Variants in HELZ observed in about 807,000 individuals in gnomAD.
HELZ encodes the protein helicase with zinc finger.
Under a neutral mutation model 218.2 loss-of-function variants are expected in HELZ, and 23 were observed. That is an observed-to-expected ratio of 0.11 (90% CI 0.08 to 0.15). The LOEUF (loss-of-function observed/expected upper bound fraction) is 0.15, where lower values mean the gene tolerates loss of function less well. Ranked by LOEUF, HELZ falls within the 10% of genes least tolerant of loss-of-function variation. The probability of loss-of-function intolerance (pLI) is 1.00; values close to 1 mark genes in which losing one functional copy is unlikely to be tolerated. For missense variants in HELZ, 1,813 were observed against 2,353.7 expected, an observed-to-expected ratio of 0.77 and a Z score of 4.75; for synonymous variants, 814 against 829.4, an observed-to-expected ratio of 0.98 and a Z score of 0.32.
chr17:67,152,347 C>G (rs1203090372), intron 17 of HELZ, among the ~76,000 whole-genome samples: 1 of 152,072 alleles, frequency 6.6e-6, no homozygotes, highest in Non-Finnish European at 1.5e-5. Context: ...AGGGTAGAAG[C>G]AAGGAGACCA....
At chr17:67,176,110 T>C (rs1000632043) in intron 13 of HELZ, among the ~76,000 whole-genome samples, 10 of 152,156 alleles carry the variant, frequency 6.6e-5, no homozygotes, top group African/African-American at 2.4e-4. Flanking sequence ...ATATGGTCAT[T>C]ATGGAACATT....
At chr17:67,162,879 C>T (rs1333633938) in intron 15 of HELZ, among the ~76,000 whole-genome samples, 2 of 152,088 alleles carry the variant, frequency 1.3e-5, no homozygotes, top group Admixed American at 6.6e-5. Flanking sequence ...ACATGCCCTA[C>T]ATAGTAGAGG....
In HELZ at chr17:67,128,526, C is replaced by G. The variant is rs2037873983; in HGVS notation, c.3387+125G>C. 3 of 817,732 alleles carry G rather than the reference C, an allele frequency of 3.7e-6. No homozygotes were observed. The East Asian group carries it at 7.3e-5, about 20-fold the overall frequency. 50.7% of individuals were successfully genotyped at this position (817,732 alleles called of 1,614,324 possible). ...ACACTAAACAAGCTCCTTGCAGAAA[C>G]CGCTTGCCGCCAAATGTAACCTTCA... is the stretch of plus-strand genomic sequence containing the variant. On this transcript the variant is annotated intron_variant, in intron 24 of 32. Transcript: ENST00000358691.
intron 23 of HELZ, among the ~76,000 whole-genome samples, chr17:67,131,127 ATCCTCCCACCTTGACCTC>A (rs1318884514): frequency 2.0e-5 from 3 of 152,162 alleles, no homozygotes; most frequent in Admixed American, 2.0e-4. Context: ...GCCTCAAGTA[ATCCTCCCACCTTGACCTC>A]TCAAAGTGCT....
intron 4 of HELZ, among the ~76,000 whole-genome samples, chr17:67,217,196 TA>T (rs1026865628): frequency 6.6e-6 from 1 of 152,122 alleles, no homozygotes; most frequent in Non-Finnish European, 1.5e-5. Context: ...TCCCCAGCTG[TA>T]GCCTTCTAAC....
intron 15 of HELZ, among the ~76,000 whole-genome samples, chr17:67,164,624 T>TA (rs1233288013): frequency 6.6e-6 from 1 of 150,862 alleles, no homozygotes; most frequent in African/African-American, 2.5e-5. Context: ...TTAAAAACTT[T>TA]TTAAAAAGAA....
chr17:67,210,265 C>A (rs911298169), intron 5 of HELZ, among the ~76,000 whole-genome samples: 1 of 152,216 alleles, frequency 6.6e-6, no homozygotes, highest in African/African-American at 2.4e-5. Context: ...AAGGTAGTTA[C>A]AGATATCACT....
intron 5 of HELZ, among the ~76,000 whole-genome samples, chr17:67,206,388 A>C (rs144568079): frequency 6.6e-6 from 1 of 152,236 alleles, no homozygotes; most frequent in Admixed American, 6.5e-5. Flanking sequence ...GACTTAAAGG[A>C]GTAATATTCA....
At chr17:67,180,720 T>C (rs2039582782) in intron 12 of HELZ, among the ~76,000 whole-genome samples, 1 of 151,784 alleles carries the variant, frequency 6.6e-6, no homozygotes, top group Non-Finnish European at 1.5e-5. Context: ...TCTACTAAAA[T>C]ACAAGAAATT....
chr17:67,092,751 A>C (rs2036608977), intron 31 of HELZ, among the ~76,000 whole-genome samples: 1 of 152,186 alleles, frequency 6.6e-6, no homozygotes, highest in African/African-American at 2.4e-5. Flanking sequence ...GGATCACCTG[A>C]GGTCAGGAGT....
chr17:67,237,573 T>C (rs1449033176), intron 3 of HELZ, among the ~76,000 whole-genome samples: 5 of 152,120 alleles, frequency 3.3e-5, no homozygotes, highest in Non-Finnish European at 7.3e-5. Flanking sequence ...ATTTTTTTTT[T>C]AACTACAAAA....
chr17:67,099,397 TGTG>T (rs1304092507), intron 31 of HELZ, among the ~76,000 whole-genome samples: 2 of 7,138 alleles, frequency 2.8e-4, no homozygotes, highest in Non-Finnish European at 4.5e-4. Flanking sequence ...AAAGAGATTC[TGTG>T]AAGTTCAGTA....
At chr17:67,125,898 G>A (rs2037780057) in intron 24 of HELZ, among the ~76,000 whole-genome samples, 1 of 152,162 alleles carries the variant, frequency 6.6e-6, no homozygotes, top group Non-Finnish European at 1.5e-5. Flanking sequence ...AGGGAAAGGA[G>A]GATTCAATGC....
At chr17:67,125,249 C>A (rs1219317530) in intron 24 of HELZ, among the ~76,000 whole-genome samples, 1 of 123,868 alleles carries the variant, frequency 8.1e-6, no homozygotes, top group Middle Eastern at 4.5e-3. Flanking sequence ...GGTCCATTAA[C>A]CTCAAGAGAA....
intron 5 of HELZ, among the ~76,000 whole-genome samples, chr17:67,211,060 G>A (rs923007132): frequency 1.3e-5 from 2 of 152,112 alleles, no homozygotes; most frequent in Non-Finnish European, 1.5e-5. Context: ...TCCATTGGTC[G>A]CTGGCTTGGC....
intron 32 of HELZ, among the ~76,000 whole-genome samples, chr17:67,084,136 T>C (rs1056363815): frequency 6.6e-6 from 1 of 152,202 alleles, no homozygotes; most frequent in Admixed American, 6.5e-5. Flanking sequence ...AAACAAGAAG[T>C]TGTGCTTCAG....
chr17:67,100,356 G>T (rs1308598857), intron 31 of HELZ, among the ~76,000 whole-genome samples: 2 of 152,166 alleles, frequency 1.3e-5, no homozygotes, highest in African/African-American at 2.4e-5. Context: ...TCATCTCTAA[G>T]ATGATGTAAG....
chr17:67,223,960 C>T (rs1032521725), intron 3 of HELZ, among the ~76,000 whole-genome samples: 1 of 152,186 alleles, frequency 6.6e-6, no homozygotes, highest in Admixed American at 6.5e-5. Context: ...ATGCAATGAA[C>T]GTTAGTTGTT....
rs1242259083 is a variant in HELZ at position 67,072,830 on chromosome 17, CT to C, written c.*5421del. 1 of 152,226 alleles carries C rather than the reference CT, an allele frequency of 6.6e-6. No homozygotes were observed. Among genetic ancestry groups the C allele is most frequent in the Non-Finnish European group, 1.5e-5 (1 of 68,052 alleles). The allele number at this position is 152,226 out of a possible 1,614,324, so 9.4% of individuals were successfully genotyped here. A position where few individuals can be genotyped will look rare whatever the true frequency, so the allele number is the denominator to read the frequency against. Reference sequence around the variant, plus strand: ...GAAAAGACGTTCAGACTCTGAAGGTCTCTGAGACTTTCAAACTGCGAGAATC... The same window carrying C: ...GAAAAGACGTTCAGACTCTGAAGGTCCTGAGACTTTCAAACTGCGAGAATC... On this transcript the variant is annotated 3_prime_UTR_variant, in exon 33 of 33. Transcript: ENST00000358691.
Sources: allele counts gnomAD v4.1 joint callset (sites outside exome capture counted in the v4.1 genomes callset), GRCh38; gene constraint gnomAD v4.1.1; transcripts MANE v1.5; gene names NCBI Gene and HGNC (gene_info 2026-07-23, HGNC 2026-07-21).